Variants in RABGAP1L observed in about 807,000 individuals in gnomAD.
The protein encoded by RABGAP1L is rab GTPase-activating protein 1-like.
In RABGAP1L, 63 loss-of-function variants were observed where a neutral mutation model predicts 137.7. The observed-to-expected ratio is 0.46, with a 90% CI of 0.37 to 0.56. The LOEUF (loss-of-function observed/expected upper bound fraction) is 0.56, where lower values mean the gene tolerates loss of function less well. Ranked by LOEUF, RABGAP1L falls within the 20% of genes least tolerant of loss-of-function variation. RABGAP1L has a pLI of 0.00. For missense variants in RABGAP1L, 1,095 were observed against 1,244.0 expected (o/e 0.88, Z 1.80); for synonymous variants, 431 against 433.7 (o/e 0.99, Z 0.08).
chr1:174,440,825 T>C (rs1189093848), intron 13 of RABGAP1L, among the ~76,000 whole-genome samples: 1 of 152,192 alleles, frequency 6.6e-6, no homozygotes, highest in Non-Finnish European at 1.5e-5. Flanking sequence ...TCCAAAGTCC[T>C]GGGATTACAG....
chr1:174,957,488 A>G lies in RABGAP1L; in HGVS notation c.2372A>G (p.Lys791Arg). ...ACCAAGAAGCTGAAGAAATATGAGAAAGAATATCAGACAATGCGAGAGAGT... is the reference window on the plus strand; with the variant it reads ...ACCAAGAAGCTGAAGAAATATGAGAGAGAATATCAGACAATGCGAGAGAGT... Reference protein sequence around the residue: ...VPTKKLKKYEKEYQTMRESQL... With the variant: ...VPTKKLKKYEREYQTMRESQL... Residue 791 changes from lysine to arginine, a missense_variant, in exon 20 of 26, where the codon AAA (lysine) becomes AGA (arginine). Around this residue, in one of 4 missense-constraint regions of RABGAP1L, gnomAD observed 312 missense variants for 435.6 expected, o/e 0.72. Coordinates refer to ENST00000681986, the MANE Select transcript of RABGAP1L (RefSeq NM_001366446.1). The G allele has an allele frequency of 1.2e-6, 2 of 1,613,716 alleles. No homozygotes were observed. The highest frequency in any genetic ancestry group is 1.7e-6 in the Non-Finnish European group (2 of 1,179,624).
chr1:174,702,832 G>T (rs1014680911), intron 17 of RABGAP1L, among the ~76,000 whole-genome samples: 1 of 151,774 alleles, frequency 6.6e-6, no homozygotes, highest in African/African-American at 2.4e-5. Context: ...ATTGTTTTTA[G>T]TTCCTTAGAT....
At chr1:174,567,985 T>C (rs1572351998) in intron 13 of RABGAP1L, among the ~76,000 whole-genome samples, 2 of 152,314 alleles carry the variant, frequency 1.3e-5, no homozygotes, top group East Asian at 3.9e-4. Context: ...CATTCTTGCA[T>C]TGATATAAAG....
At position 174,874,578 on chromosome 1, in the gene RABGAP1L, CTTTTTTTTTTTT is replaced by C. The variant is rs10530813; in HGVS notation, c.2340+62632_2340+62643del. 2.0e-4 allele frequency: 47 copies of C among 232,806 alleles called. 1 individual carries two copies. Among genetic ancestry groups the C allele is most frequent in the South Asian group, 4.6e-4 (2 of 4,356 alleles). The allele number at this position is 232,806 out of a possible 1,614,324, so 14.4% of individuals were successfully genotyped here. On this transcript the variant is annotated intron_variant, in intron 19 of 25. Coordinates refer to ENST00000681986, the MANE Select transcript of RABGAP1L (RefSeq NM_001366446.1). Reference sequence around the variant, plus strand: ...CTCAGGTAATTCTCCACACCACTGCCTTTTTTTTTTTTTTTTTTTTTTTTTCCAATGCAGTTG... The same window carrying C: ...CTCAGGTAATTCTCCACACCACTGCCTTTTTTTTTTTTTCCAATGCAGTTG...
intron 13 of RABGAP1L, among the ~76,000 whole-genome samples, chr1:174,495,486 C>T (rs1033147293): frequency 1.3e-5 from 2 of 152,038 alleles, no homozygotes; most frequent in African/African-American, 4.8e-5. Flanking sequence ...AAAATAAATT[C>T]TTATCTTAAT....
At chr1:174,398,902 A>G (rs1648211033) in intron 13 of RABGAP1L, among the ~76,000 whole-genome samples, 2 of 152,212 alleles carry the variant, frequency 1.3e-5, no homozygotes, top group Non-Finnish European at 2.9e-5. Flanking sequence ...TTTATTTTAG[A>G]ACTGTAAATA....
chr1:174,914,078 G>C (rs1267516984), intron 19 of RABGAP1L, among the ~76,000 whole-genome samples: 1 of 152,176 alleles, frequency 6.6e-6, no homozygotes, highest in Non-Finnish European at 1.5e-5. Flanking sequence ...AGTCCGTAAA[G>C]ATAGTTGCTG....
intron 17 of RABGAP1L, among the ~76,000 whole-genome samples, chr1:174,730,901 G>T (rs1682409911): frequency 6.6e-6 from 1 of 152,172 alleles, no homozygotes; most frequent in African/African-American, 2.4e-5. Flanking sequence ...TTTTCCAAAT[G>T]AAATCTTATG....
chr1:174,673,941 A>C (rs1164131914), intron 14 of RABGAP1L, among the ~76,000 whole-genome samples: 1 of 152,218 alleles, frequency 6.6e-6, no homozygotes, highest in Non-Finnish European at 1.5e-5. Context: ...ATTTGTCATC[A>C]ATAAATCCCA....
chr1:174,752,963 G>A (rs562776524), intron 18 of RABGAP1L, among the ~76,000 whole-genome samples: 2 of 152,268 alleles, frequency 1.3e-5, no homozygotes, highest in East Asian at 3.9e-4. Flanking sequence ...TTGTCCTTCA[G>A]TCAGAGAAGA....
At chr1:174,810,248 C>T (rs1039408912) in intron 18 of RABGAP1L, among the ~76,000 whole-genome samples, 1 of 152,064 alleles carries the variant, frequency 6.6e-6, no homozygotes, top group East Asian at 1.9e-4. Context: ...GTGGATGTAG[C>T]AGTGTGAAAG....
intron 4 of RABGAP1L, among the ~76,000 whole-genome samples, chr1:174,240,340 G>C (rs909959404): frequency 6.6e-6 from 1 of 152,194 alleles, no homozygotes; most frequent in Admixed American, 6.5e-5. Context: ...TCTGCCTCCT[G>C]GGTTCAAGCG....
intron 13 of RABGAP1L, among the ~76,000 whole-genome samples, chr1:174,524,824 A>C (rs890127256): frequency 1.4e-5 from 2 of 145,988 alleles, no homozygotes; most frequent in Non-Finnish European, 3.0e-5. Flanking sequence ...TTTGTATGTG[A>C]TGAGAGATAA....
At chr1:174,364,076 C>T (rs910120743) in intron 11 of RABGAP1L, among the ~76,000 whole-genome samples, 12 of 151,708 alleles carry the variant, frequency 7.9e-5, no homozygotes, top group Admixed American at 7.9e-4. Context: ...AGTATTCCCT[C>T]TTCCTCTGTT....
chr1:174,447,955 G>C (rs1046637365), intron 13 of RABGAP1L, among the ~76,000 whole-genome samples: 1 of 144,326 alleles, frequency 6.9e-6, no homozygotes, highest in Non-Finnish European at 1.5e-5. Flanking sequence ...CTGGTGAAGA[G>C]ACTTGAGCAC....
chr1:174,450,995 A>G (rs1655375368), intron 13 of RABGAP1L, among the ~76,000 whole-genome samples: 1 of 152,178 alleles, frequency 6.6e-6, no homozygotes, highest in Non-Finnish European at 1.5e-5. Flanking sequence ...ACATGTAAGA[A>G]AGATTTAAAA....
chr1:174,437,766 G>A (rs1251025455), intron 13 of RABGAP1L, among the ~76,000 whole-genome samples: 1 of 152,106 alleles, frequency 6.6e-6, no homozygotes, highest in Non-Finnish European at 1.5e-5. Flanking sequence ...ACACATAATT[G>A]TCAGATTTAC....
chr1:174,693,734 A>G (rs1443246382), intron 15 of RABGAP1L, among the ~76,000 whole-genome samples: 1 of 152,250 alleles, frequency 6.6e-6, no homozygotes, highest in Non-Finnish European at 1.5e-5. Context: ...TGAAAAAAAT[A>G]AACATGGTGT....
chr1:174,180,975 A>G (rs1666302809), intron 1 of RABGAP1L, among the ~76,000 whole-genome samples: 1 of 152,196 alleles, frequency 6.6e-6, no homozygotes, highest in African/African-American at 2.4e-5. Context: ...CACTTCTCTT[A>G]CATTTAATTC....
Sources: gnomAD v4.1 joint callset for allele counts (sites outside exome capture counted in the v4.1 genomes callset) on GRCh38, gnomAD v4.1.1 for gene constraint, gnomAD v4.1.1 regional missense constraint, MANE v1.5 for transcripts, NCBI Gene and HGNC (gene_info 2026-07-23, HGNC 2026-07-21) for gene names.